Variants in GPHN observed in about 807,000 individuals in gnomAD.
The protein encoded by GPHN is gephyrin.
A neutral mutation model predicts 95.5 loss-of-function variants in GPHN; 17 were observed. The ratio of observed to expected loss-of-function variants is 0.18; its 90% CI spans 0.12 to 0.27. The LOEUF (loss-of-function observed/expected upper bound fraction) is 0.27, where lower values mean the gene tolerates loss of function less well. Ranked by LOEUF, GPHN falls within the 10% of genes least tolerant of loss-of-function variation. The probability of loss-of-function intolerance (pLI) is 1.00; values close to 1 mark genes in which losing one functional copy is unlikely to be tolerated. For synonymous variants in GPHN, 320 were observed against 322.5 expected (o/e 0.99, Z 0.08); for missense variants, 660 against 978.1 (o/e 0.67, Z 4.34).
chr14:67,655,433 G>C, the GPHN span, among the ~76,000 whole-genome samples: 1 of 152,102 alleles, frequency 6.6e-6, no homozygotes, highest in East Asian at 1.9e-4. Flanking sequence ...AGAGATCCCT[G>C]ATATAGTCAT....
the GPHN span, chr14:67,695,536 G>A: frequency 1.6e-6 from 2 of 1,275,872 alleles, no homozygotes; most frequent in Non-Finnish European, 2.2e-6. Flanking sequence ...GCCCCCCCAG[G>A]GGAGTTTTCC....
intron 1 of GPHN, among the ~76,000 whole-genome samples, chr14:66,632,360 C>G (rs1050758151): frequency 2.6e-5 from 4 of 152,048 alleles, no homozygotes; most frequent in African/African-American, 4.8e-5. Context: ...TTATAATGTT[C>G]ACATATATTT....
At chr14:66,548,178 ATT>A (rs564746424) in intron 1 of GPHN, among the ~76,000 whole-genome samples, 2,017 of 116,150 alleles carry the variant, frequency 0.017, 60 homozygotes, top group African/African-American at 0.068. Flanking sequence ...TACTATTGTA[ATT>A]TTTTTTTTTT....
At chr14:67,292,847 T>C in the GPHN span, 3 of 703,956 alleles carry the variant, frequency 4.3e-6, no homozygotes. Flanking sequence ...TACATGTTAA[T>C]AATGTATTGT....
At chr14:67,187,236 A>T in the GPHN span, among the ~76,000 whole-genome samples, 3 of 152,226 alleles carry the variant, frequency 2.0e-5, no homozygotes, top group Non-Finnish European at 4.4e-5. Context: ...TTTACTAAAC[A>T]GTTGAATACA....
chr14:66,933,147 A>G (rs1186137212), intron 8 of GPHN, among the ~76,000 whole-genome samples: 3 of 152,244 alleles, frequency 2.0e-5, no homozygotes, highest in Non-Finnish European at 4.4e-5. Flanking sequence ...GACAAATGAC[A>G]GTTAACAACA....
chr14:67,485,407 A>G, the GPHN span, among the ~76,000 whole-genome samples: 5 of 152,224 alleles, frequency 3.3e-5, no homozygotes, highest in South Asian at 1.0e-3. Context: ...CTGGCCCTGA[A>G]TTATAAACTG....
chr14:67,378,314 C>CTTTT, the GPHN span, among the ~76,000 whole-genome samples: 343 of 107,596 alleles, frequency 3.2e-3, no homozygotes, highest in Middle Eastern at 0.011. Flanking sequence ...TCTCATGTGA[C>CTTTT]TTTTTTTTTT....
chr14:66,657,942 A>G (rs1011246458), intron 1 of GPHN, among the ~76,000 whole-genome samples: 1 of 152,148 alleles, frequency 6.6e-6, no homozygotes, highest in Non-Finnish European at 1.5e-5. Flanking sequence ...TTGTCAGGCT[A>G]TAGCTGCCAT....
chr14:66,740,410 C>T (rs1030249884), intron 2 of GPHN, among the ~76,000 whole-genome samples: 19 of 151,812 alleles, frequency 1.3e-4, no homozygotes, highest in South Asian at 2.1e-4. Context: ...ATTTATTTAA[C>T]GATACATATA....
chr14:66,545,674 T>A (rs1594901371), intron 1 of GPHN, among the ~76,000 whole-genome samples: 1 of 106,502 alleles, frequency 9.4e-6, no homozygotes, highest in East Asian at 3.7e-4. Context: ...CACTTCCCAG[T>A]AGGGGCGGCC....
At chr14:66,958,141 C>T (rs2068658417) in intron 8 of GPHN, among the ~76,000 whole-genome samples, 1 of 152,042 alleles carries the variant, frequency 6.6e-6, no homozygotes, top group African/African-American at 2.4e-5. Context: ...TGAAGTTTTT[C>T]TCTCTTCATT....
rs1302340068 is a variant in GPHN, at chr14:66,837,596, AAAAT to A, written c.294+13046_294+13049del. ...GTACCCTAAAACTTAAAGTATAATA[AAAAT>A]AAATAAATAAATAAAAATAAATAAA... On this transcript the variant is annotated intron_variant, in intron 4 of 22. Transcript: ENST00000478722. Among the ~76,000 whole-genome samples the A allele has an allele frequency of 6.4e-4, 91 of 143,198 alleles. 1 individual carries two copies. The South Asian group carries it at 8.9e-3, about 14-fold the overall frequency. The allele number at this position is 143,198 out of a possible 152,430, so 93.9% of individuals were successfully genotyped here.
chr14:66,812,403 GAAAC>G (rs2060800087), intron 3 of GPHN, among the ~76,000 whole-genome samples: 1 of 152,124 alleles, frequency 6.6e-6, no homozygotes. Flanking sequence ...ATTTCACAAA[GAAAC>G]AAGTGAACAT....
chr14:67,221,921 G>T, the GPHN span: 1 of 1,339,248 alleles, frequency 7.5e-7, no homozygotes, highest in Admixed American at 2.3e-5. Flanking sequence ...TAGACTTTTT[G>T]ATGCATTTCC....
intron 11 of GPHN, among the ~76,000 whole-genome samples, chr14:67,076,931 C>G (rs1402617657): frequency 6.6e-6 from 1 of 152,142 alleles, no homozygotes; most frequent in African/African-American, 2.4e-5. Flanking sequence ...GAACTTAGAG[C>G]TCTCCCTTAA....
At chr14:67,381,561 T>C in the GPHN span, 2 of 1,577,624 alleles carry the variant, frequency 1.3e-6, no homozygotes, top group Non-Finnish European at 8.7e-7. Context: ...TTTTTGCATT[T>C]TTTATCAACT....
intron 2 of GPHN, among the ~76,000 whole-genome samples, chr14:66,732,397 C>T (rs569966151): frequency 6.6e-6 from 1 of 152,360 alleles, no homozygotes; most frequent in African/African-American, 2.4e-5. Flanking sequence ...AATTGAGTGA[C>T]TGCCCCAATG....
the GPHN span, among the ~76,000 whole-genome samples, chr14:67,639,687 G>A: frequency 0.12 from 18,947 of 152,048 alleles, 1,214 homozygotes; most frequent in East Asian, 0.14. Flanking sequence ...TTGGGAGGCC[G>A]AGGCAGGTGG....
Sources: allele counts gnomAD v4.1 joint callset (sites outside exome capture counted in the v4.1 genomes callset), GRCh38; gene constraint gnomAD v4.1.1; transcripts MANE v1.5; gene names NCBI Gene and HGNC (gene_info 2026-07-23, HGNC 2026-07-21).